The following B3GALT4 variants were observed in gnomAD, a reference collection of about 807,000 sequenced individuals.
The protein encoded by B3GALT4 is beta-1,3-galactosyltransferase 4, also known as UDP-Gal:betaGlcNAc beta 1,3-galactosyltransferase 4.
In B3GALT4, 1 loss-of-function variant was observed where a neutral mutation model predicts 1.6. That is an observed-to-expected ratio of 0.64 (90% CI 0.23 to 3.05). The LOEUF (loss-of-function observed/expected upper bound fraction) is 3.05. Among genes scored for constraint, B3GALT4 ranks in the 30% most tolerant of loss-of-function variants. The pLI, the probability that B3GALT4 is intolerant of heterozygous loss-of-function variation, is 0.21. For synonymous variants in B3GALT4, 259 were observed against 222.6 expected (o/e 1.16, Z -1.46); for missense variants, 441 against 486.9 (o/e 0.91, Z 0.89).
rs1164284535 is a variant in B3GALT4 at position 33,278,408 on chromosome 6, C to T, written c.989C>T (p.Thr330Met). ...TGCTGCTATGGGAAATTCCTGCTGACGTCCCACAGGCTGGACCCCTGGAAG... is the reference window on the plus strand; with the variant it reads ...TGCTGCTATGGGAAATTCCTGCTGATGTCCCACAGGCTGGACCCCTGGAAG... ...DRCCYGKFLL[T>M]SHRLDPWKMQ... The change falls in exon 1 of 1, where the codon ACG becomes ATG. Residue 330 changes from threonine (T) to methionine (M), a missense_variant. Coordinates refer to ENST00000451237, the MANE Select transcript of B3GALT4 (RefSeq NM_003782.4). This position sits in a 1 kb window ranked among gnomAD's most constrained non-coding sequence, Gnocchi z 5.2. 1 of 1,609,788 alleles carries T rather than the reference C, an allele frequency of 6.2e-7. No individual in the cohort carries two copies. The highest frequency in any genetic ancestry group is 8.5e-7 in the Non-Finnish European group (1 of 1,177,356).
chr6:33,277,290 G>T lies in B3GALT4; in HGVS notation c.-130G>T. 6.8e-7 allele frequency: 1 copy of T among 1,466,116 alleles called. No homozygotes were observed. Among genetic ancestry groups the T allele is most frequent in the Non-Finnish European group, 9.0e-7 (1 of 1,114,462 alleles). The allele number at this position is 1,466,116 out of a possible 1,614,324, so 90.8% of individuals were successfully genotyped here. A position where few individuals can be genotyped will look rare whatever the true frequency, so the allele number is the denominator to read the frequency against. On this transcript the variant is annotated 5_prime_UTR_variant, in exon 1 of 1. Transcript: ENST00000451237. This position sits in a 1 kb window ranked among gnomAD's most constrained non-coding sequence, Gnocchi z 5.3. Reference sequence around the variant, plus strand: ...CGCCTCTCCCCGCCCCCCAGGGTGCGCTGGTCCCGGTCGCGCGCTCAGACC... The same window carrying T: ...CGCCTCTCCCCGCCCCCCAGGGTGCTCTGGTCCCGGTCGCGCGCTCAGACC...
chr6:33,277,776 C>T lies in B3GALT4; in HGVS notation c.357C>T (p.Pro119=), dbSNP rs1256891874. Residue 119 remains proline (P), a synonymous_variant, in exon 1 of 1, where the codon CCC becomes CCT. Transcript: ENST00000451237. The surrounding 1 kb of genome is among the most constrained non-coding windows in gnomAD (Gnocchi z 5.3). ...TGGGAGAGCCGAACGCACAGCACCC[C>T]GTGTGGGGTTCCCAGGGGAGTGACC... ...FLLGEPNAQH[P]VWGSQGSDLA... The T allele has an allele frequency of 1.9e-6, 3 of 1,613,730 alleles. No individual in the cohort carries two copies. The highest frequency in any genetic ancestry group is 1.3e-5 in the African/African-American group (1 of 75,064).
chr6:33,278,138 C>A lies in B3GALT4; in HGVS notation c.719C>A (p.Pro240Gln). 2 of 1,613,624 alleles carry A rather than the reference C, an allele frequency of 1.2e-6. No homozygotes were observed. Among genetic ancestry groups the A allele is most frequent in the African/African-American group, 1.3e-5 (1 of 75,010 alleles). ...TGGCGCGTGAACCCCTCTCGGACAC[C>A]GGGGGGCAGGCACCGCGTATCAGAG... ...VHWRVNPSRT[P>Q]GGRHRVSEEQ... is the part of the protein sequence containing the mutation. Residue 240 changes from proline (P) to glutamine (Q), a missense_variant, in exon 1 of 1, where the codon CCG becomes CAG. Coordinates refer to ENST00000451237, the MANE Select transcript of B3GALT4 (RefSeq NM_003782.4). This position sits in a 1 kb window ranked among gnomAD's most constrained non-coding sequence, Gnocchi z 5.2.
In B3GALT4 at chr6:33,277,745, T is replaced by C. The variant is rs1178318410; in HGVS notation, c.326T>C (p.Phe109Ser). Residue 109 changes from phenylalanine to serine, a missense_variant, in exon 1 of 1, where the codon TTC (phenylalanine) becomes TCC (serine). Coordinates refer to ENST00000451237, the MANE Select transcript of B3GALT4 (RefSeq NM_003782.4). This position sits in a 1 kb window ranked among gnomAD's most constrained non-coding sequence, Gnocchi z 5.3. ...CGGGGGCTCAGGGTACAGACGCTAT[T>C]CTTGCTGGGAGAGCCGAACGCACAG... ...EARGLRVQTL[F>S]LLGEPNAQHP... is the part of the protein sequence containing the mutation. 6.2e-7 allele frequency: 1 copy of C among 1,613,584 alleles called. No homozygotes were observed. Among genetic ancestry groups the C allele is most frequent in the African/African-American group, 1.3e-5 (1 of 74,930 alleles).
At position 33,278,636 on chromosome 6, in the gene B3GALT4, G is replaced by C; in HGVS notation, c.*80G>C. Reference sequence around the variant, plus strand: ...AACGCAGGGGCCCTCACTGGCTGCAGCTGATCTGTTTCCTTATACCAGATC... The same window carrying C: ...AACGCAGGGGCCCTCACTGGCTGCACCTGATCTGTTTCCTTATACCAGATC... On this transcript the variant is annotated 3_prime_UTR_variant, in exon 1 of 1. Transcript: ENST00000451237. This position sits in a 1 kb window ranked among gnomAD's most constrained non-coding sequence, Gnocchi z 5.2. 6.7e-7 allele frequency: 1 copy of C among 1,493,034 alleles called. No homozygotes were observed. Among genetic ancestry groups the C allele is most frequent in the Non-Finnish European group, 8.9e-7 (1 of 1,120,700 alleles). 92.5% of individuals were successfully genotyped at this position (1,493,034 alleles called of 1,614,324 possible).
chr6:33,277,882 C>T lies in B3GALT4; in HGVS notation c.463C>T (p.Leu155Phe). Residue 155 changes from leucine to phenylalanine, a missense_variant, in exon 1 of 1, where the codon CTC becomes TTC. Physicochemically the swap from Leu to Phe is conservative, Grantham distance 22. Coordinates refer to ENST00000451237, the MANE Select transcript of B3GALT4 (RefSeq NM_003782.4). The surrounding 1 kb of genome is among the most constrained non-coding windows in gnomAD (Gnocchi z 5.3). ...CTACCGCAACCTCACCCTAAAGACC[C>T]TCAGCGGGCTGAACTGGGCTGAGAA... ...DSYRNLTLKT[L>F]SGLNWAEKHC... The T allele has an allele frequency of 6.2e-7, 1 of 1,614,112 alleles. No homozygotes were observed. The highest frequency in any genetic ancestry group is 1.7e-5 in the Admixed American group (1 of 60,028).
chr6:33,277,263 A>G lies in B3GALT4; in HGVS notation c.-157A>G. The G allele has an allele frequency of 5.1e-6, 7 of 1,376,694 alleles. No individual in the cohort carries two copies. The highest frequency in any genetic ancestry group is 6.7e-6 in the Non-Finnish European group (7 of 1,042,884). 85.3% of individuals were successfully genotyped at this position (1,376,694 alleles called of 1,614,324 possible). A position where few individuals can be genotyped will look rare whatever the true frequency, so the allele number is the denominator to read the frequency against. On this transcript the variant is annotated 5_prime_UTR_variant, in exon 1 of 1. Transcript: ENST00000451237. The surrounding 1 kb of genome is among the most constrained non-coding windows in gnomAD (Gnocchi z 5.3). The stretch of plus-strand genomic sequence containing the variant: ...TGCCTCGACCGCGGTCCGCAGCTGC[A>G]CCGCCTCTCCCCGCCCCCCAGGGTG...
rs778513918 is a variant in B3GALT4 at position 33,277,449 on chromosome 6, T to C, written c.30T>C (p.Leu10=). ...AGCTCAGGCTCTTCCGGCGCCTCCT[T>C]CTCGCCGCTTTGCTGCTGGTGATCG... MQLRLFRRL[L]LAALLLVIVW... is the part of the protein sequence containing the mutation. The change falls in exon 1 of 1, where the codon CTT becomes CTC. Residue 10 remains leucine (L), a synonymous_variant. Transcript: ENST00000451237. The surrounding 1 kb of genome is among the most constrained non-coding windows in gnomAD (Gnocchi z 5.3). 6.8e-6 allele frequency: 11 copies of C among 1,612,136 alleles called. No homozygotes were observed. Among genetic ancestry groups the C allele is most frequent in the Middle Eastern group, 1.9e-4 (1 of 5,390 alleles).
At position 33,278,624 on chromosome 6, in the gene B3GALT4, T is replaced by C. The variant is rs1258467414; in HGVS notation, c.*68T>C. ...TCTCCCAGGCCCAACGCAGGGGCCC[T>C]CACTGGCTGCAGCTGATCTGTTTCC... On this transcript the variant is annotated 3_prime_UTR_variant, in exon 1 of 1. Coordinates refer to ENST00000451237, the MANE Select transcript of B3GALT4 (RefSeq NM_003782.4). The surrounding 1 kb of genome is among the most constrained non-coding windows in gnomAD (Gnocchi z 5.2). 19 of 1,496,218 alleles carry C rather than the reference T, an allele frequency of 1.3e-5. No homozygotes were observed. Among genetic ancestry groups the C allele is most frequent in the Non-Finnish European group, 1.3e-5 (15 of 1,122,332 alleles). The allele number at this position is 1,496,218 out of a possible 1,614,324, so 92.7% of individuals were successfully genotyped here. A position where few individuals can be genotyped will look rare whatever the true frequency, so the allele number is the denominator to read the frequency against.
At position 33,277,216 on chromosome 6, in the gene B3GALT4, C is replaced by A; in HGVS notation, c.-204C>A. On this transcript the variant is annotated 5_prime_UTR_variant, in exon 1 of 1. Transcript: ENST00000451237. The surrounding 1 kb of genome is among the most constrained non-coding windows in gnomAD (Gnocchi z 5.3). ...CTTGCTGGCGGCGAGGCCGCGGCGA[C>A]AAGGTAGCCACCCCCGCAGCATGCC... is the stretch of plus-strand genomic sequence containing the variant. 2.4e-6 allele frequency: 2 copies of A among 816,706 alleles called. No individual in the cohort carries two copies. The highest frequency in any genetic ancestry group is 3.5e-6 in the Non-Finnish European group (2 of 569,464). 50.6% of individuals were successfully genotyped at this position (816,706 alleles called of 1,614,324 possible).
chr6:33,278,527 T>C lies in B3GALT4; in HGVS notation c.1108T>C (p.Cys370Arg). 1 of 1,543,950 alleles carries C rather than the reference T, an allele frequency of 6.5e-7. No homozygotes were observed. Among genetic ancestry groups the C allele is most frequent in the African/African-American group, 1.4e-5 (1 of 72,870 alleles). ...WFQGVLGILR[C>R]RAIAWLQS Reference sequence around the variant, plus strand: ...CCAGGGAGTCCTGGGCATCCTGCGGTGTCGAGCAATAGCCTGGCTTCAGAG... The same window carrying C: ...CCAGGGAGTCCTGGGCATCCTGCGGCGTCGAGCAATAGCCTGGCTTCAGAG... The change falls in exon 1 of 1, where the codon TGT becomes CGT. Residue 370 changes from cysteine to arginine, a missense_variant. By Grantham distance (180) the Cys-to-Arg change is radical (BLOSUM62 -3). Coordinates refer to ENST00000451237, the MANE Select transcript of B3GALT4 (RefSeq NM_003782.4). The surrounding 1 kb of genome is among the most constrained non-coding windows in gnomAD (Gnocchi z 5.2).
Position 33,278,154 on chromosome 6 carries a change from C to T in B3GALT4, c.735C>T (p.Arg245=), listed in dbSNP as rs950293293. Residue 245 remains arginine, a synonymous_variant, in exon 1 of 1, where the codon CGC becomes CGT. Transcript: ENST00000451237. This position sits in a 1 kb window ranked among gnomAD's most constrained non-coding sequence, Gnocchi z 5.2. ...NPSRTPGGRH[R]VSEEQWPHTW... is the part of the protein sequence containing the mutation. ...CTCGGACACCGGGGGGCAGGCACCG[C>T]GTATCAGAGGAGCAGTGGCCTCACA... The T allele has an allele frequency of 6.2e-7, 1 of 1,613,288 alleles. No homozygotes were observed. The highest frequency in any genetic ancestry group is 1.1e-5 in the South Asian group (1 of 91,086).
rs754510736 is a variant in B3GALT4 at position 33,278,121 on chromosome 6, G to A, written c.702G>A (p.Val234=). The change falls in exon 1 of 1, where the codon GTG becomes GTA. Residue 234 remains valine (V), a synonymous_variant. Coordinates refer to ENST00000451237, the MANE Select transcript of B3GALT4 (RefSeq NM_003782.4). This position sits in a 1 kb window ranked among gnomAD's most constrained non-coding sequence, Gnocchi z 5.2. ...ACTTGGGCCGGGTGCACTGGCGCGTGAACCCCTCTCGGACACCGGGGGGCA... is the reference window on the plus strand; with the variant it reads ...ACTTGGGCCGGGTGCACTGGCGCGTAAACCCCTCTCGGACACCGGGGGGCA... ...LLYLGRVHWR[V]NPSRTPGGRH... 2 of 1,613,840 alleles carry A rather than the reference G, an allele frequency of 1.2e-6. No individual in the cohort carries two copies. The highest frequency in any genetic ancestry group is 1.7e-6 in the Non-Finnish European group (2 of 1,179,960).
rs1765851549 is a variant in B3GALT4 at position 33,278,740 on chromosome 6, A to T, written c.*184A>T. 1 of 1,126,220 alleles carries T rather than the reference A, an allele frequency of 8.9e-7. No homozygotes were observed. 69.8% of individuals were successfully genotyped at this position (1,126,220 alleles called of 1,614,324 possible). A position where few individuals can be genotyped will look rare whatever the true frequency, so the allele number is the denominator to read the frequency against. ...AGCCCAAAAGATGGTCATCGGGAAG[A>T]GAAAAAGAAAAAAATGCTGCAGTTG... On this transcript the variant is annotated 3_prime_UTR_variant, in exon 1 of 1. Transcript: ENST00000451237. This position sits in a 1 kb window ranked among gnomAD's most constrained non-coding sequence, Gnocchi z 5.2.
At position 33,277,819 on chromosome 6, in the gene B3GALT4, G is replaced by T. The variant is rs374504827; in HGVS notation, c.400G>T (p.Ala134Ser). The T allele has an allele frequency of 6.2e-7, 1 of 1,613,768 alleles. No homozygotes were observed. The highest frequency in any genetic ancestry group is 8.5e-7 in the Non-Finnish European group (1 of 1,180,008). Residue 134 changes from alanine (A) to serine (S), a missense_variant, in exon 1 of 1, where the codon GCC becomes TCC. By Grantham distance (99) the Ala-to-Ser change is moderately conservative. Transcript: ENST00000451237. The surrounding 1 kb of genome is among the most constrained non-coding windows in gnomAD (Gnocchi z 5.3). ...GAGTGACCTGGCCTCGGAGTCAGCA[G>T]CCCAGGGGGATATCTTGCAGGCCGC... ...QGSDLASESA[A>S]QGDILQAAFQ...
In B3GALT4 at chr6:33,278,094, G is replaced by A; in HGVS notation, c.675G>A (p.Leu225=). ...QVLHSEEVPL[L]YLGRVHWRVN... ...TGCACAGCGAGGAAGTGCCTCTTCT[G>A]TACTTGGGCCGGGTGCACTGGCGCG... Residue 225 remains leucine, a synonymous_variant, in exon 1 of 1, where the codon CTG becomes CTA. Coordinates refer to ENST00000451237, the MANE Select transcript of B3GALT4 (RefSeq NM_003782.4). The surrounding 1 kb of genome is among the most constrained non-coding windows in gnomAD (Gnocchi z 5.2). The A allele has an allele frequency of 6.2e-7, 1 of 1,613,922 alleles. No individual in the cohort carries two copies. The highest frequency in any genetic ancestry group is 8.5e-7 in the Non-Finnish European group (1 of 1,179,912).
chr6:33,277,865 A>G lies in B3GALT4; in HGVS notation c.446A>G (p.Asn149Ser), dbSNP rs1765771256. The G allele has an allele frequency of 6.2e-7, 1 of 1,613,790 alleles. No homozygotes were observed. Among genetic ancestry groups the G allele is most frequent in the Non-Finnish European group, 8.5e-7 (1 of 1,179,968 alleles). The change falls in exon 1 of 1, where the codon AAC (asparagine) becomes AGC (serine). Residue 149 changes from asparagine to serine, a missense_variant. Coordinates refer to ENST00000451237, the MANE Select transcript of B3GALT4 (RefSeq NM_003782.4). This position sits in a 1 kb window ranked among gnomAD's most constrained non-coding sequence, Gnocchi z 5.3. ...LQAAFQDSYR[N>S]LTLKTLSGLN... ...GCCGCCTTCCAGGACTCCTACCGCA[A>G]CCTCACCCTAAAGACCCTCAGCGGG...
Position 33,278,207 on chromosome 6 carries a change from C to T in B3GALT4, c.788C>T (p.Ser263Leu), listed in dbSNP as rs1408011141. The T allele has an allele frequency of 6.2e-7, 1 of 1,612,252 alleles. No homozygotes were observed. Residue 263 changes from serine (S) to leucine (L), a missense_variant, in exon 1 of 1, where the codon TCA becomes TTA. Coordinates refer to ENST00000451237, the MANE Select transcript of B3GALT4 (RefSeq NM_003782.4). This position sits in a 1 kb window ranked among gnomAD's most constrained non-coding sequence, Gnocchi z 5.2. The part of the protein sequence containing the change: ...HTWGPFPPYA[S>L]GTGYVLSASA... ...TGGGGCCCCTTTCCACCCTATGCCTCAGGCACGGGGTATGTGCTGTCAGCG... is the reference window on the plus strand; with the variant it reads ...TGGGGCCCCTTTCCACCCTATGCCTTAGGCACGGGGTATGTGCTGTCAGCG...
rs555862536 is a variant in B3GALT4, at chr6:33,277,243, C to G, written c.-177C>G. The G allele has an allele frequency of 4.8e-4, 565 of 1,173,054 alleles. 6 individuals carry two copies. Among genetic ancestry groups the G allele is most frequent in the Middle Eastern group, 4.8e-3 (16 of 3,322 alleles). The allele number at this position is 1,173,054 out of a possible 1,614,324, so 72.7% of individuals were successfully genotyped here. On this transcript the variant is annotated 5_prime_UTR_variant, in exon 1 of 1. Transcript: ENST00000451237. The surrounding 1 kb of genome is among the most constrained non-coding windows in gnomAD (Gnocchi z 5.3). ...AGGTAGCCACCCCCGCAGCATGCCT[C>G]GACCGCGGTCCGCAGCTGCACCGCC...
Sources: gnomAD v4.1 joint callset for allele counts on GRCh38, gnomAD v4.1.1 for gene constraint, Gnocchi (gnomAD v3.1) non-coding constraint, MANE v1.5 for transcripts, NCBI Gene and HGNC (gene_info 2026-07-23, HGNC 2026-07-21) for gene names.